TSFM: variants seen among roughly 807,000 people sequenced by gnomAD.
TSFM encodes elongation factor Ts, mitochondrial.
Under a neutral mutation model 33.4 loss-of-function variants are expected in TSFM, and 29 were observed. That is an observed-to-expected ratio of 0.87 (90% CI 0.65 to 1.18). The LOEUF (loss-of-function observed/expected upper bound fraction) is 1.18. TSFM is among the 50% of genes most tolerant of loss of function. The pLI is 0.00. For synonymous variants in TSFM, 178 were observed against 163.5 expected (o/e 1.09, Z -0.68); for missense variants, 394 against 395.6 (o/e 1.00, Z 0.04).
At chr12:57,795,875 C>CA (rs1955730281) in intron 5 of TSFM, among the ~76,000 whole-genome samples, 1 of 152,092 alleles carries the variant, frequency 6.6e-6, no homozygotes, top group Admixed American at 6.6e-5. Context: ...TTCAGCCTCC[C>CA]AAAGTGCTGG....
downstream of TSFM, chr12:57,798,031 G>C (rs1329605720): frequency 6.7e-7 from 1 of 1,497,458 alleles, no homozygotes; most frequent in Admixed American, 1.9e-5. Flanking sequence ...TTAGAAGGAA[G>C]ACATGACATC....
In TSFM at chr12:57,796,808, A is replaced by T. The variant is rs1166866204; in HGVS notation, c.*225A>T. On this transcript the variant is annotated 3_prime_UTR_variant, in exon 6 of 6. Transcript: ENST00000652027. ...CCTTATTGACGTGATAGTGTCGTGG[A>T]GAACAGGCATCAACAATACTGCTGC... is the stretch of plus-strand genomic sequence containing the variant. 1 of 1,180,392 alleles carries T rather than the reference A, an allele frequency of 8.5e-7. No individual in the cohort carries two copies. The highest frequency in any genetic ancestry group is 1.6e-5 in the African/African-American group (1 of 63,416). 73.1% of individuals were successfully genotyped at this position (1,180,392 alleles called of 1,614,324 possible). A position where few individuals can be genotyped will look rare whatever the true frequency, so the allele number is the denominator to read the frequency against.
intron 2 of TSFM, among the ~76,000 whole-genome samples, chr12:57,785,462 A>C (rs1955578602): frequency 6.6e-6 from 1 of 151,742 alleles, no homozygotes; most frequent in Non-Finnish European, 1.5e-5. Context: ...TTTACTGTTA[A>C]ATTTTTTTAT....
In TSFM at chr12:57,797,518, A is replaced by G. The variant is rs1196226321; in HGVS notation, c.*935A>G. 2.1e-6 allele frequency: 2 copies of G among 967,726 alleles called. No homozygotes were observed. Among genetic ancestry groups the G allele is most frequent in the Non-Finnish European group, 2.5e-6 (2 of 813,756 alleles). 59.9% of individuals were successfully genotyped at this position (967,726 alleles called of 1,614,324 possible). ...AATAGATTTTAGAAATAATCATCTT[A>G]AAATTGAAAACAAAGGTAGGTCCTG... On this transcript the variant is annotated 3_prime_UTR_variant, in exon 6 of 6. Coordinates refer to ENST00000652027, the MANE Select transcript of TSFM (RefSeq NM_005726.6).
At chr12:57,782,891 G>A (rs1472331408) in intron 1 of TSFM, 33 bp downstream of exon 1, 1 of 1,571,004 alleles carries the variant, frequency 6.4e-7, no homozygotes, top group Admixed American at 1.8e-5. Context: ...CCGACCTGCT[G>A]TCCCTGCAGC....
At position 57,785,361 on chromosome 12, in the gene TSFM, T is replaced by C. The variant is rs191494521; in HGVS notation, c.232-802T>C. 9.2e-5 allele frequency among the ~76,000 whole-genome samples: 14 copies of C among 152,342 alleles called. No homozygotes were observed. The East Asian group carries it at 2.5e-3, about 27-fold the overall frequency. On this transcript the variant is annotated intron_variant, in intron 2 of 5. Transcript: ENST00000652027. ...TCACATCTTGTCCTGCTGGAAGGTC[T>C]TCAGGGGCAGTAACGGGCATGGACC...
downstream of TSFM, chr12:57,802,213 C>G: frequency 6.2e-7 from 1 of 1,614,088 alleles, no homozygotes; most frequent in Non-Finnish European, 8.5e-7. Context: ...ATGGGAGGCT[C>G]AAACCCCTGC....
Position 57,797,328 on chromosome 12 carries a change from C to T in TSFM, c.*745C>T, listed in dbSNP as rs1955756069. ...TACTGAAACATTTCTTCAAGTATAA[C>T]ATAAAATTACCGTAACAAGCAGACC... On this transcript the variant is annotated 3_prime_UTR_variant, in exon 6 of 6. Coordinates refer to ENST00000652027, the MANE Select transcript of TSFM (RefSeq NM_005726.6). The T allele has an allele frequency of 5.1e-6, 5 of 985,268 alleles. No individual in the cohort carries two copies. Among genetic ancestry groups the T allele is most frequent in the Admixed American group, 6.2e-5 (1 of 16,254 alleles). The allele number at this position is 985,268 out of a possible 1,614,324, so 61.0% of individuals were successfully genotyped here.
At chr12:57,797,635 G>A (rs887771449), downstream of TSFM, 6 of 875,088 alleles carry the variant, frequency 6.9e-6, no homozygotes, top group East Asian at 6.9e-5. Flanking sequence ...CAGTTTTAGT[G>A]CTTTCTGCTG....
rs1261333586 is a variant in TSFM at position 57,783,145 on chromosome 12, G to T, written c.93G>T (p.Arg31Ser). 1.9e-6 allele frequency: 3 copies of T among 1,612,480 alleles called. No homozygotes were observed. Among genetic ancestry groups the T allele is most frequent in the Non-Finnish European group, 8.5e-7 (1 of 1,179,876 alleles). Residue 31 changes from arginine (R) to serine (S), a missense_variant, in exon 2 of 6, where the codon AGG (arginine) becomes AGT (serine). Physicochemically the swap from Arg to Ser is moderately radical, Grantham distance 110. Around this residue, in one of 3 missense-constraint regions of TSFM, gnomAD observed 208 missense variants for 180.4 expected, o/e 1.15. Coordinates refer to ENST00000652027, the MANE Select transcript of TSFM (RefSeq NM_005726.6). ...TTCTGCGTCAGTCGCCCCAGCCAAG[G>T]CACACATTTTATGCTGGGCCCCGTC... ...GSLLRQSPQP[R>S]HTFYAGPRLS...
intron 4 of TSFM, among the ~76,000 whole-genome samples, chr12:57,788,267 C>CTTTTTTTTTTTTT (rs56048814): frequency 1.4e-5 from 2 of 146,892 alleles, no homozygotes; most frequent in Non-Finnish European, 1.5e-5. Context: ...CCAGTGTACC[C>CTTTTTTTTTTTTT]TTTTTTTTTT....
At chr12:57,798,379 A>T (rs1371868856), downstream of TSFM, among the ~76,000 whole-genome samples, 3 of 152,156 alleles carry the variant, frequency 2.0e-5, no homozygotes, top group Non-Finnish European at 4.4e-5. Context: ...TTTACCCATA[A>T]ATTTTCAAAT....
At chr12:57,795,095 A>G (rs538524870) in intron 5 of TSFM, among the ~76,000 whole-genome samples, 294 of 136,044 alleles carry the variant, frequency 2.2e-3, no homozygotes, top group Middle Eastern at 5.1e-3. Context: ...ATATGTATAT[A>G]TATATATAAA....
At chr12:57,786,012 G>T in intron 2 of TSFM, 151 bp from the exon 3 acceptor site, 1 of 915,886 alleles carries the variant, frequency 1.1e-6, no homozygotes, top group South Asian at 2.0e-5. Context: ...CTGGTATTTG[G>T]CATTTAGTGG....
In TSFM at chr12:57,796,643, A is replaced by G; in HGVS notation, c.*60A>G. On this transcript the variant is annotated 3_prime_UTR_variant, in exon 6 of 6. Transcript: ENST00000652027. ...CTTTTAGCTCTGGACATCATTACAA[A>G]AAGGAATATTTCCCAAACCTCTTCA... is the stretch of plus-strand genomic sequence containing the variant. The G allele has an allele frequency of 7.7e-7, 1 of 1,292,912 alleles. No homozygotes were observed. The highest frequency in any genetic ancestry group is 9.9e-7 in the Non-Finnish European group (1 of 1,012,078). 80.1% of individuals were successfully genotyped at this position (1,292,912 alleles called of 1,614,324 possible).
intron 4 of TSFM, among the ~76,000 whole-genome samples, chr12:57,791,016 T>C (rs1955655584): frequency 1.3e-5 from 2 of 151,380 alleles, no homozygotes; most frequent in East Asian, 1.9e-4. Flanking sequence ...AGATTTTTTT[T>C]TTTTTTTTTT....
At chr12:57,802,373 T>C (rs949337469), downstream of TSFM, 2 of 1,584,496 alleles carry the variant, frequency 1.3e-6, no homozygotes, top group Admixed American at 3.6e-5. Context: ...ATTTAATATA[T>C]GTTACTGTGT....
rs1264266153 is a variant in TSFM at position 57,795,105 on chromosome 12, AT to A, written c.572-1061del. On this transcript the variant is annotated intron_variant, in intron 5 of 5. Transcript: ENST00000652027. ...TATATATATGTATATATATATATAAATTTTTTTTTTTGAGATGGAGTTTTGC... is the reference window on the plus strand; with the variant it reads ...TATATATATGTATATATATATATAAATTTTTTTTTTGAGATGGAGTTTTGC... Among the ~76,000 whole-genome samples the A allele has an allele frequency of 4.1e-3, 462 of 111,748 alleles. 2 individuals are homozygous for A. Among genetic ancestry groups the A allele is most frequent in the African/African-American group, 0.014 (409 of 29,490 alleles). The allele number at this position is 111,748 out of a possible 152,430, so 73.3% of individuals were successfully genotyped here.
downstream of TSFM, among the ~76,000 whole-genome samples, chr12:57,799,157 G>A (rs1955795998): frequency 6.6e-6 from 1 of 152,192 alleles, no homozygotes. Flanking sequence ...CCTCCCTGGG[G>A]AGGTGATATT....
Sources: gnomAD v4.1 joint callset for allele counts (sites outside exome capture counted in the v4.1 genomes callset) on GRCh38, gnomAD v4.1.1 for gene constraint, gnomAD v4.1.1 regional missense constraint, MANE v1.5 for transcripts, NCBI Gene and HGNC (gene_info 2026-07-23, HGNC 2026-07-21) for gene names.